The following COX7B2 variants were observed in gnomAD, a reference collection of about 807,000 sequenced individuals.
COX7B2 encodes cytochrome c oxidase subunit 7B2, also known as cytochrome c oxidase subunit 7B2, mitochondrial.
For synonymous variants in COX7B2, 37 were observed against 32.1 expected (o/e 1.15, Z -0.51); for missense variants, 109 against 95.9 (o/e 1.14, Z -0.57).
chr4:46,860,994 C>A (rs1226022418), intron 1 of COX7B2, among the ~76,000 whole-genome samples: 1 of 152,158 alleles, frequency 6.6e-6, no homozygotes, highest in Non-Finnish European at 1.5e-5. Flanking sequence ...GGTTTTTCAG[C>A]ATTTGGTCCT....
chr4:46,830,132 T>C (rs574637340), intron 2 of COX7B2, among the ~76,000 whole-genome samples: 67 of 152,122 alleles, frequency 4.4e-4, no homozygotes, highest in Middle Eastern at 3.4e-3. Flanking sequence ...GAGACCAGCC[T>C]GGCCAACATG....
intron 1 of COX7B2, among the ~76,000 whole-genome samples, chr4:46,903,532 A>G (rs1720192361): frequency 6.6e-6 from 1 of 152,082 alleles, no homozygotes; most frequent in Non-Finnish European, 1.5e-5. Flanking sequence ...AGTACACAGT[A>G]ATGTCCTAGG....
At chr4:46,744,841 C>T (rs1465172602) in intron 2 of COX7B2, among the ~76,000 whole-genome samples, 1 of 148,932 alleles carries the variant, frequency 6.7e-6, no homozygotes. Flanking sequence ...CTCCCAGGTT[C>T]AAGCAATTCT....
At chr4:46,817,916 C>T (rs537219304) in intron 2 of COX7B2, among the ~76,000 whole-genome samples, 6 of 152,284 alleles carry the variant, frequency 3.9e-5, no homozygotes, top group African/African-American at 1.4e-4. Context: ...TTGAATAAAT[C>T]TTTGAACCTA....
intron 2 of COX7B2, among the ~76,000 whole-genome samples, chr4:46,748,080 C>A (rs553918636): frequency 6.6e-6 from 1 of 151,974 alleles, no homozygotes; most frequent in East Asian, 1.9e-4. Flanking sequence ...TTCTGATTTA[C>A]ATTAAAGAAC....
At chr4:46,851,860 T>G (rs1716713074) in intron 1 of COX7B2, among the ~76,000 whole-genome samples, 1 of 152,116 alleles carries the variant, frequency 6.6e-6, no homozygotes, top group Admixed American at 6.6e-5. Flanking sequence ...GACCAAGGGG[T>G]TCACATATTT....
intron 1 of COX7B2, among the ~76,000 whole-genome samples, chr4:46,856,072 C>T (rs1331944521): frequency 1.3e-5 from 2 of 151,850 alleles, no homozygotes; most frequent in African/African-American, 4.8e-5. Context: ...AAAGAAACCC[C>T]GTCTCTACTA....
chr4:46,765,665 C>A (rs1191234931), intron 2 of COX7B2, among the ~76,000 whole-genome samples: 1 of 152,160 alleles, frequency 6.6e-6, no homozygotes, highest in East Asian at 1.9e-4. Flanking sequence ...ACTCCAGGCC[C>A]ACACCAACAT....
intron 2 of COX7B2, among the ~76,000 whole-genome samples, chr4:46,772,854 C>T (rs934459405): frequency 1.1e-4 from 16 of 152,096 alleles, no homozygotes; most frequent in Non-Finnish European, 1.8e-4. Flanking sequence ...TACCTATTTC[C>T]GTTAAGTAGA....
At chr4:46,735,412 G>A (rs1480981897) in intron 2 of COX7B2, among the ~76,000 whole-genome samples, 171 bp from the exon 3 acceptor site, 6 of 152,010 alleles carry the variant, frequency 3.9e-5, no homozygotes, top group Non-Finnish European at 7.4e-5. Flanking sequence ...ATGAACTTGG[G>A]GCAATTATTT....
rs571662867 is a variant in COX7B2 at position 46,872,980 on chromosome 4, AC to A, written c.-104-27967del. On this transcript the variant is annotated intron_variant, in intron 1 of 2. Transcript: ENST00000355591. ...AATGGTATCCCTCCCCTAGCCCCCC[AC>A]CCCCCAACAGGCCCCAGTGTGTGAT... 3.2e-3 allele frequency among the ~76,000 whole-genome samples: 139 copies of A among 43,084 alleles called. No individual in the cohort carries two copies. In the Middle Eastern group the frequency reaches 0.079, roughly 24 times the overall value. The allele number at this position is 43,084 out of a possible 152,430, so 28.3% of individuals were successfully genotyped here.
At chr4:46,869,197 A>G (rs1717847071) in intron 1 of COX7B2, among the ~76,000 whole-genome samples, 1 of 151,598 alleles carries the variant, frequency 6.6e-6, no homozygotes, top group Non-Finnish European at 1.5e-5. Flanking sequence ...GCAACCCCTG[A>G]TTTTTTCTGT....
chr4:46,906,588 ATGAATACT>A, intron 1 of COX7B2, among the ~76,000 whole-genome samples: 1 of 152,344 alleles, frequency 6.6e-6, no homozygotes, highest in South Asian at 2.1e-4. Flanking sequence ...TTTGCTGGAA[ATGAATACT>A]TGACTACCTT....
At position 46,734,980 on chromosome 4, in the gene COX7B2, GC is replaced by G; in HGVS notation, c.212del (p.Gly71AlafsTer23). On this transcript the variant is annotated frameshift_variant, in exon 3 of 3. Transcript: ENST00000355591. LOFTEE classifies it high-confidence loss of function. ...IGIEWNLSPV[G>X]RVTPKEWKHQ ...GTTTCCACTCTTTTGGGGTAACTCT[GC>G]CAACAGGGGATAGGTTCCATTCTAT... 6.2e-7 allele frequency: 1 copy of G among 1,614,024 alleles called. No homozygotes were observed. Among genetic ancestry groups the G allele is most frequent in the Non-Finnish European group, 8.5e-7 (1 of 1,179,948 alleles).
chr4:46,747,983 C>A (rs207464664), intron 2 of COX7B2, among the ~76,000 whole-genome samples: 32 of 151,542 alleles, frequency 2.1e-4, no homozygotes, highest in African/African-American at 7.5e-4. Flanking sequence ...TAGTTAAAAT[C>A]TAATTGTGCT....
At chr4:46,759,855 T>A (rs952040126) in intron 2 of COX7B2, among the ~76,000 whole-genome samples, 1 of 149,772 alleles carries the variant, frequency 6.7e-6, no homozygotes, top group South Asian at 2.1e-4. Flanking sequence ...ATAAGTCATA[T>A]CTTATATAAG....
chr4:46,790,204 T>A (rs1034635332), intron 2 of COX7B2, among the ~76,000 whole-genome samples: 4 of 152,186 alleles, frequency 2.6e-5, no homozygotes, highest in Admixed American at 2.0e-4. Flanking sequence ...TTAGGTGTAT[T>A]CCTTGTGATT....
At chr4:46,759,348 A>G (rs1394457981) in intron 2 of COX7B2, among the ~76,000 whole-genome samples, 3 of 152,090 alleles carry the variant, frequency 2.0e-5, no homozygotes, top group Non-Finnish European at 2.9e-5. Flanking sequence ...TAATCTTAAA[A>G]TATTTATATG....
At chr4:46,794,037 C>A (rs569171843) in intron 2 of COX7B2, among the ~76,000 whole-genome samples, 4 of 152,300 alleles carry the variant, frequency 2.6e-5, no homozygotes, top group Non-Finnish European at 5.9e-5. Flanking sequence ...GTACCCATCC[C>A]ACAGCCTCTC....
Sources: gnomAD v4.1 joint callset for allele counts (sites outside exome capture counted in the v4.1 genomes callset) on GRCh38, gnomAD v4.1.1 for gene constraint, MANE v1.5 for transcripts, NCBI Gene and HGNC (gene_info 2026-07-23, HGNC 2026-07-21) for gene names.